Variants in RALGPS1 observed in about 807,000 individuals in gnomAD.
RALGPS1 encodes Ral GEF with PH domain and SH3 binding motif 1, also known as ras-specific guanine nucleotide-releasing factor RalGPS1.
Under a neutral mutation model 78.8 loss-of-function variants are expected in RALGPS1, and 19 were observed. The ratio of observed to expected loss-of-function variants is 0.24; its 90% confidence interval spans 0.17 to 0.35. RALGPS1 has a LOEUF of 0.35. RALGPS1 is among the 10% of genes least tolerant of loss of function. RALGPS1 has a pLI of 1.00. For missense variants in RALGPS1, 454 were observed against 688.3 expected, an observed-to-expected ratio of 0.66 and a Z score of 3.81; for synonymous variants, 228 against 256.3, an observed-to-expected ratio of 0.89 and a Z score of 1.06.
chr9:127,125,821 T>A (rs1030264746), intron 8 of RALGPS1, among the ~76,000 whole-genome samples: 3 of 152,240 alleles, frequency 2.0e-5, no homozygotes, highest in Non-Finnish European at 4.4e-5. Flanking sequence ...TGTGACTTTT[T>A]AAAATTTTAT....
chr9:127,161,954 C>T (rs1163867455), intron 8 of RALGPS1, among the ~76,000 whole-genome samples: 7 of 152,130 alleles, frequency 4.6e-5, no homozygotes, highest in Admixed American at 1.3e-4. Context: ...TCTTATGAAT[C>T]GATAATCTGG....
At chr9:127,068,141 T>C (rs773638034) in intron 7 of RALGPS1, among the ~76,000 whole-genome samples, 13 of 152,238 alleles carry the variant, frequency 8.5e-5, no homozygotes, top group Non-Finnish European at 1.8e-4. Context: ...TGTATTTGCT[T>C]AACTAAGTTG....
At chr9:127,179,062 G>C (rs923618452) in intron 11 of RALGPS1, among the ~76,000 whole-genome samples, 1 of 152,264 alleles carries the variant, frequency 6.6e-6, no homozygotes, top group East Asian at 1.9e-4. Flanking sequence ...CTCAGAGGCA[G>C]CTCCAGAGTG....
At position 127,143,820 on chromosome 9, in the gene RALGPS1, A is replaced by G. The variant is rs1470551624; in HGVS notation, c.611-22249A>G. Among the ~76,000 whole-genome samples the G allele has an allele frequency of 5.9e-5, 9 of 152,216 alleles. No individual in the cohort carries two copies. The East Asian group carries it at 1.7e-3, about 29-fold the overall frequency. On this transcript the variant is annotated intron_variant, in intron 8 of 18. Transcript: ENST00000259351. Reference sequence around the variant, plus strand: ...CCCACTGAAAACAACCCTTCTTTCTAGGTGCTCCGTAATTACCAAGACAGA... The same window carrying G: ...CCCACTGAAAACAACCCTTCTTTCTGGGTGCTCCGTAATTACCAAGACAGA...
chr9:127,160,250 G>A (rs2058944216), intron 8 of RALGPS1, among the ~76,000 whole-genome samples: 1 of 152,216 alleles, frequency 6.6e-6, no homozygotes, highest in Non-Finnish European at 1.5e-5. Context: ...GTTCGGAAGA[G>A]CACCTCCTTT....
chr9:127,098,410 T>A (rs758906246), intron 8 of RALGPS1, among the ~76,000 whole-genome samples: 13 of 152,138 alleles, frequency 8.5e-5, no homozygotes, highest in Non-Finnish European at 1.6e-4. Context: ...CTCATCTCTA[T>A]AAAGACCACA....
intron 1 of RALGPS1, among the ~76,000 whole-genome samples, chr9:126,925,041 C>T (rs1401494452): frequency 1.3e-5 from 2 of 151,782 alleles, no homozygotes; most frequent in South Asian, 2.1e-4. Flanking sequence ...GCAGGAGAAT[C>T]GCTTTAACCT....
chr9:126,957,529 C>G (rs918779029), intron 1 of RALGPS1, among the ~76,000 whole-genome samples: 1 of 152,162 alleles, frequency 6.6e-6, no homozygotes, highest in East Asian at 1.9e-4. Flanking sequence ...TCTGTTAGGC[C>G]TGGATTGAGT....
rs1046634588 is a variant in RALGPS1 at position 127,093,892 on chromosome 9, A to G, written c.610+24536A>G. Reference sequence around the variant, plus strand: ...GGTAGATGGAGCTGGTGTCGTGGCCATCCTCCAGGGCCTGCAGGCAGTCTC... The same window carrying G: ...GGTAGATGGAGCTGGTGTCGTGGCCGTCCTCCAGGGCCTGCAGGCAGTCTC... On this transcript the variant is annotated intron_variant, in intron 8 of 18. Transcript: ENST00000259351. The G allele has an allele frequency of 3.7e-6, 6 of 1,613,852 alleles. No individual in the cohort carries two copies. The East Asian group carries it at 1.3e-4, about 36-fold the overall frequency.
At chr9:126,973,758 C>T (rs1256105697) in intron 3 of RALGPS1, among the ~76,000 whole-genome samples, 1 of 152,208 alleles carries the variant, frequency 6.6e-6, no homozygotes, top group African/African-American at 2.4e-5. Flanking sequence ...CCCATTCCCT[C>T]TCCTCCCAAC....
chr9:126,918,438 A>G (rs545416214), intron 1 of RALGPS1, among the ~76,000 whole-genome samples: 83 of 152,196 alleles, frequency 5.5e-4, no homozygotes, highest in African/African-American at 2.0e-3. Flanking sequence ...CCAGGCTCAA[A>G]TGATCCTCCC....
chr9:127,091,309 C>T lies in RALGPS1; in HGVS notation c.610+21953C>T, dbSNP rs369170849. On this transcript the variant is annotated intron_variant, in intron 8 of 18. Coordinates refer to ENST00000259351, the MANE Select transcript of RALGPS1 (RefSeq NM_014636.3). This position sits in a 1 kb window ranked among gnomAD's most constrained non-coding sequence, Gnocchi z 4.3. ...GCCCAGGTGTGTGGCCCAGAGCCTA[C>T]GCAGTTGGTTAGCTCTATACCAGGT... is the stretch of plus-strand genomic sequence containing the variant. Among the ~76,000 whole-genome samples, 3 of 152,338 alleles carry T rather than the reference C, an allele frequency of 2.0e-5. No homozygotes were observed. Among genetic ancestry groups the T allele is most frequent in the East Asian group, 1.9e-4 (1 of 5,182 alleles).
rs375977108 is a variant in RALGPS1 at position 127,068,715 on chromosome 9, T to TG, written c.484-514dup. On this transcript the variant is annotated intron_variant, in intron 7 of 18. Coordinates refer to ENST00000259351, the MANE Select transcript of RALGPS1 (RefSeq NM_014636.3). The stretch of plus-strand genomic sequence containing the variant: ...ACAACAGCTTTTATTGAAGTGGCAC[T>TG]GTATAGCAGCAGCAGCAGAGATGTT... 4.8e-3 allele frequency among the ~76,000 whole-genome samples: 729 copies of TG among 152,292 alleles called. 3 individuals are homozygous for TG. Among genetic ancestry groups the TG allele is most frequent in the African/African-American group, 0.016 (682 of 41,566 alleles).
intron 12 of RALGPS1, among the ~76,000 whole-genome samples, chr9:127,196,025 G>T (rs941056442): frequency 1.3e-5 from 2 of 152,216 alleles, no homozygotes; most frequent in African/African-American, 4.8e-5. Flanking sequence ...TGAGGTGGGT[G>T]CTATTATTAC....
chr9:127,057,590 T>G (rs1353969230), intron 7 of RALGPS1, among the ~76,000 whole-genome samples: 1 of 152,230 alleles, frequency 6.6e-6, no homozygotes, highest in East Asian at 1.9e-4. Flanking sequence ...ATAGCTGGCC[T>G]GGAAAAATGC....
rs181920737 is a variant in RALGPS1 at position 126,931,064 on chromosome 9, T to G, written c.-66+16089T>G. Among the ~76,000 whole-genome samples the G allele has an allele frequency of 2.0e-5, 3 of 152,342 alleles. No homozygotes were observed. In the East Asian group the frequency reaches 5.8e-4, roughly 29 times the overall value. On this transcript the variant is annotated intron_variant, in intron 1 of 18. Transcript: ENST00000259351. ...CAGAGTAGGTATGGAGCCTGCATAGTCAGAGACCCAGGTTCCTTCTAAGTC... is the reference window on the plus strand; with the variant it reads ...CAGAGTAGGTATGGAGCCTGCATAGGCAGAGACCCAGGTTCCTTCTAAGTC...
intron 11 of RALGPS1, among the ~76,000 whole-genome samples, chr9:127,187,493 A>C (rs1431300800): frequency 2.6e-5 from 4 of 152,272 alleles, no homozygotes; most frequent in Non-Finnish European, 5.9e-5. Flanking sequence ...TTCCACCTCA[A>C]GTCTTGTGGC....
chr9:127,161,075 A>G (rs1362309758), intron 8 of RALGPS1, among the ~76,000 whole-genome samples: 1 of 152,248 alleles, frequency 6.6e-6, no homozygotes, highest in Non-Finnish European at 1.5e-5. Context: ...CATAAGGCCA[A>G]CATCACAATG....
intron 4 of RALGPS1, among the ~76,000 whole-genome samples, chr9:126,999,087 C>T (rs568970706): frequency 6.0e-5 from 9 of 150,822 alleles, no homozygotes; most frequent in Non-Finnish European, 8.9e-5. Flanking sequence ...TTAATGGGTG[C>T]AGCACACCAA....
Sources: gnomAD v4.1 joint callset for allele counts (sites outside exome capture counted in the v4.1 genomes callset) on GRCh38, gnomAD v4.1.1 for gene constraint, Gnocchi (gnomAD v3.1) non-coding constraint, MANE v1.5 for transcripts, NCBI Gene and HGNC (gene_info 2026-07-23, HGNC 2026-07-21) for gene names.